Variants in PKD1L1 observed in about 807,000 individuals in gnomAD.
The protein encoded by PKD1L1 is polycystin 1 like 1, transient receptor potential channel interacting.
PKD1L1 carries 236 observed loss-of-function variants against 323.4 expected under a neutral mutation model. The ratio of observed to expected loss-of-function variants is 0.73; its 90% CI spans 0.66 to 0.81. PKD1L1 has a LOEUF of 0.81. Among genes scored for constraint, PKD1L1 ranks in the 40% least tolerant of loss-of-function variants. PKD1L1 has a pLI of 0.00. For missense variants in PKD1L1, 3,320 were observed against 3,508.0 expected (o/e 0.95, Z 1.35); for synonymous variants, 1,344 against 1,335.0 (o/e 1.01, Z -0.15).
chr7:47,786,760 A>T (rs1415831008), intron 56 of PKD1L1, among the ~76,000 whole-genome samples: 2 of 152,228 alleles, frequency 1.3e-5, no homozygotes, highest in Non-Finnish European at 2.9e-5. Flanking sequence ...AGTAGAGAAG[A>T]GGCCCGAGCA....
intron 21 of PKD1L1, among the ~76,000 whole-genome samples, chr7:47,879,080 T>A (rs4720621): frequency 1.3e-5 from 2 of 151,998 alleles, no homozygotes; most frequent in Non-Finnish European, 2.9e-5. Flanking sequence ...CCGTCTTGTA[T>A]CCAAAGCAGG....
chr7:47,906,337 T>C (rs1173286554), intron 9 of PKD1L1, among the ~76,000 whole-genome samples: 2 of 152,238 alleles, frequency 1.3e-5, no homozygotes, highest in Admixed American at 1.3e-4. Flanking sequence ...ATAAGCCTTG[T>C]GCTTTTAAGT....
In PKD1L1 at chr7:47,811,946, T is replaced by C. The variant is rs750386642; in HGVS notation, c.7452A>G (p.Gln2484=). Residue 2484 remains glutamine, a synonymous_variant, in exon 50 of 57, where the codon CAA becomes CAG. Coordinates refer to ENST00000289672, the MANE Select transcript of PKD1L1 (RefSeq NM_138295.5). ...CTCTCAGGGACACGCTGGTGAAGAG[T>C]TGGGTTGGAGGGTTATAGAGAGTGA... ...VHFTLYNPPT[Q]LFTSVSLRVE... is the part of the protein sequence containing the mutation. 4.4e-5 allele frequency: 71 copies of C among 1,604,318 alleles called. No individual in the cohort carries two copies. Among genetic ancestry groups the C allele is most frequent in the Non-Finnish European group, 5.4e-5 (63 of 1,175,842 alleles).
At chr7:47,865,344 G>A (rs1409314307) in intron 25 of PKD1L1, 72 bp from the exon 26 acceptor site, 30 of 1,359,588 alleles carry the variant, frequency 2.2e-5, no homozygotes. Context: ...TTGGGTTAAA[G>A]TTACAGCTTG....
chr7:47,861,789 G>A (rs1387728169), intron 26 of PKD1L1, among the ~76,000 whole-genome samples: 4 of 149,478 alleles, frequency 2.7e-5, no homozygotes, highest in African/African-American at 7.4e-5. Context: ...GCTGAGGCAG[G>A]AGAATGGCGT....
chr7:47,787,948 T>G (rs1786849333), intron 56 of PKD1L1, among the ~76,000 whole-genome samples: 1 of 152,148 alleles, frequency 6.6e-6, no homozygotes, highest in South Asian at 2.1e-4. Context: ...TGGGCTCAAG[T>G]GATCCTCTAG....
At chr7:47,797,586 G>C (rs377177953) in intron 54 of PKD1L1, among the ~76,000 whole-genome samples, 1 of 152,210 alleles carries the variant, frequency 6.6e-6, no homozygotes. Context: ...TTGCCTGCCT[G>C]TCTCAGAAGA....
chr7:47,866,658 CA>C, intron 24 of PKD1L1, 44 bp from the exon 25 acceptor site: 2 of 1,496,422 alleles, frequency 1.3e-6, no homozygotes, highest in African/African-American at 2.8e-5. Context: ...CAACACACGG[CA>C]AAACTTTTCA....
At position 47,931,093 on chromosome 7, in the gene PKD1L1, C is replaced by T. The variant is rs148679757; in HGVS notation, c.737+11G>A. 1.9e-4 allele frequency: 304 copies of T among 1,612,070 alleles called. 3 individuals carry two copies. In the African/African-American group the frequency reaches 3.5e-3, roughly 19 times the overall value. Reference sequence around the variant, plus strand: ...GAAGTGGTGCTGGCCTCCATACCTCCTTCACCGTACCTTCTGGGAGAAGTG... The same window carrying T: ...GAAGTGGTGCTGGCCTCCATACCTCTTTCACCGTACCTTCTGGGAGAAGTG... On this transcript the variant is annotated intron_variant, in intron 6 of 56. Transcript: ENST00000289672.
intron 4 of PKD1L1, among the ~76,000 whole-genome samples, chr7:47,935,902 A>G (rs1431559935): frequency 6.6e-6 from 1 of 152,266 alleles, no homozygotes; most frequent in Non-Finnish European, 1.5e-5. Context: ...CCTTTGAACA[A>G]TAACATGAAA....
At chr7:47,821,971 G>T (rs914353469) in intron 45 of PKD1L1, among the ~76,000 whole-genome samples, 1 of 152,144 alleles carries the variant, frequency 6.6e-6, no homozygotes, top group Non-Finnish European at 1.5e-5. Flanking sequence ...TTACAGGCAT[G>T]AGTCACCATG....
intron 56 of PKD1L1, among the ~76,000 whole-genome samples, chr7:47,775,826 AAAAAT>A (rs1479614400): frequency 6.6e-6 from 1 of 151,890 alleles, no homozygotes; most frequent in Non-Finnish European, 1.5e-5. Flanking sequence ...GAAAAAAAAA[AAAAAT>A]AGAGAAAACG....
chr7:47,868,404 A>G (rs752543424), intron 24 of PKD1L1, among the ~76,000 whole-genome samples: 46 of 152,128 alleles, frequency 3.0e-4, no homozygotes, highest in Non-Finnish European at 1.9e-4. Flanking sequence ...ACAACAACAA[A>G]AAAAACACAA....
At chr7:47,902,614 G>T (rs1444644540) in intron 12 of PKD1L1, 103 bp from the exon 13 acceptor site, 2 of 1,343,804 alleles carry the variant, frequency 1.5e-6, no homozygotes, top group Non-Finnish European at 1.0e-6. Flanking sequence ...TATAGTATTT[G>T]ACAGCAAGTC....
chr7:47,817,891 T>C (rs1785054825), intron 46 of PKD1L1: 1 of 594,360 alleles, frequency 1.7e-6, no homozygotes, highest in Non-Finnish European at 2.5e-6. Flanking sequence ...TTCCATAGCA[T>C]GTATGAGTAA....
At position 47,839,856 on chromosome 7, in the gene PKD1L1, C is replaced by A. The variant is rs1785532883; in HGVS notation, c.5553-194G>T. Reference sequence around the variant, plus strand: ...CCAGAGGATGGGAAATCCCACCGAGCACAGTGACCCTGCACTCAGGCCTTC... The same window carrying A: ...CCAGAGGATGGGAAATCCCACCGAGAACAGTGACCCTGCACTCAGGCCTTC... On this transcript the variant is annotated intron_variant, in intron 35 of 56. Coordinates refer to ENST00000289672, the MANE Select transcript of PKD1L1 (RefSeq NM_138295.5). The surrounding 1 kb of genome is among the most constrained non-coding windows in gnomAD (Gnocchi z 4.3). 6.6e-6 allele frequency among the ~76,000 whole-genome samples: 1 copy of A among 152,222 alleles called. No homozygotes were observed. The highest frequency in any genetic ancestry group is 6.5e-5 in the Admixed American group (1 of 15,284).
intron 44 of PKD1L1, among the ~76,000 whole-genome samples, chr7:47,828,219 C>G (rs1562949412): frequency 1.3e-5 from 2 of 152,134 alleles, no homozygotes; most frequent in Non-Finnish European, 2.9e-5. Flanking sequence ...CTCTAAGATG[C>G]TAATGAGCCA....
intron 21 of PKD1L1, 23 bp from the exon 22 acceptor site, chr7:47,877,654 G>A (rs201272208): frequency 5.6e-5 from 90 of 1,610,604 alleles, no homozygotes; most frequent in African/African-American, 5.2e-4. Context: ...ATGAAGCAGC[G>A]GTTTCACCCA....
intron 46 of PKD1L1, among the ~76,000 whole-genome samples, chr7:47,816,757 C>T (rs1785027960): frequency 6.6e-6 from 1 of 152,238 alleles, no homozygotes; most frequent in Non-Finnish European, 1.5e-5. Flanking sequence ...GCACCAGATC[C>T]AGACTACTCC....
Sources: allele counts gnomAD v4.1 joint callset (sites outside exome capture counted in the v4.1 genomes callset), GRCh38; gene constraint gnomAD v4.1.1; non-coding constraint Gnocchi (gnomAD v3.1); transcripts MANE v1.5; gene names NCBI Gene and HGNC (gene_info 2026-07-23, HGNC 2026-07-21).